Variants in CRYBG3 observed in about 807,000 individuals in gnomAD.
The protein encoded by CRYBG3 is crystallin beta-gamma domain containing 3.
A neutral mutation model predicts 244.2 loss-of-function variants in CRYBG3; 127 were observed. The ratio of observed to expected loss-of-function variants is 0.52; its 90% CI spans 0.45 to 0.60. The LOEUF (loss-of-function observed/expected upper bound fraction) is 0.60, where lower values mean the gene tolerates loss of function less well. Among genes scored for constraint, CRYBG3 ranks in the 20% least tolerant of loss-of-function variants. The pLI is 0.00. For missense variants in CRYBG3, 3,325 were observed against 3,442.5 expected (o/e 0.97, Z 0.85); for synonymous variants, 1,132 against 1,195.8 (o/e 0.95, Z 1.10).
chr3:97,944,266 TTTTA>T lies in CRYBG3; in HGVS notation c.*957_*960del, dbSNP rs2040300553. 6.6e-6 allele frequency: 1 copy of T among 151,974 alleles called. No homozygotes were observed. Among genetic ancestry groups the T allele is most frequent in the African/African-American group, 2.4e-5 (1 of 41,426 alleles). The allele number at this position is 151,974 out of a possible 1,614,324, so 9.4% of individuals were successfully genotyped here. A position where few individuals can be genotyped will look rare whatever the true frequency, so the allele number is the denominator to read the frequency against. ...GTTTTTCACTCCCATTGTAAGTAAC[TTTTA>T]TTTAAGTAAGTAAAATCAGGTAGGA... On this transcript the variant is annotated 3_prime_UTR_variant, in exon 22 of 22. Coordinates refer to ENST00000389622, the MANE Select transcript of CRYBG3 (RefSeq NM_153605.4).
chr3:97,919,714 T>TTA (rs1553708876), intron 17 of CRYBG3, among the ~76,000 whole-genome samples: 18 of 127,070 alleles, frequency 1.4e-4, no homozygotes, highest in Admixed American at 8.0e-4. Flanking sequence ...ATAAAATGAT[T>TTA]AAAAAAAAAA....
chr3:97,858,188 C>A (rs1158005799), intron 2 of CRYBG3, among the ~76,000 whole-genome samples: 1 of 146,114 alleles, frequency 6.8e-6, no homozygotes, highest in Non-Finnish European at 1.5e-5. Context: ...TTTCTTTCGG[C>A]AACTTGAATA....
intron 10 of CRYBG3, among the ~76,000 whole-genome samples, chr3:97,891,986 G>T (rs952971832): frequency 3.9e-5 from 6 of 152,138 alleles, no homozygotes; most frequent in Non-Finnish European, 8.8e-5. Context: ...CACGACCCTT[G>T]CCATTAACTG....
chr3:97,892,342 A>G (rs1308026380), intron 10 of CRYBG3, among the ~76,000 whole-genome samples: 2 of 152,164 alleles, frequency 1.3e-5, no homozygotes, highest in Non-Finnish European at 2.9e-5. Flanking sequence ...GGGTGCAAAC[A>G]AGATGAATTT....
At chr3:97,843,505 A>T (rs548070028) in intron 2 of CRYBG3, among the ~76,000 whole-genome samples, 1 of 152,268 alleles carries the variant, frequency 6.6e-6, no homozygotes, top group Admixed American at 6.5e-5. Flanking sequence ...CACTAACCCA[A>T]CTGTGTGATC....
Position 97,876,234 on chromosome 3 carries a change from C to T in CRYBG3, c.5040C>T (p.Gly1680=). Residue 1680 remains glycine, a synonymous_variant, in exon 4 of 22, where the codon GGC becomes GGT. Transcript: ENST00000389622. The part of the protein sequence containing the change: ...IYQTHAEGDI[G]KTGTIALSEV... ...AAACGCATGCTGAAGGGGATATTGGCAAGACTGGGACGATAGCCTTGTCAG... is the reference window on the plus strand; with the variant it reads ...AAACGCATGCTGAAGGGGATATTGGTAAGACTGGGACGATAGCCTTGTCAG... 8.1e-7 allele frequency: 1 copy of T among 1,231,770 alleles called. No individual in the cohort carries two copies. The highest frequency in any genetic ancestry group is 1.0e-6 in the Non-Finnish European group (1 of 987,882). The allele number at this position is 1,231,770 out of a possible 1,614,324, so 76.3% of individuals were successfully genotyped here.
chr3:97,923,823 C>A (rs2040010672), intron 17 of CRYBG3, among the ~76,000 whole-genome samples: 1 of 151,954 alleles, frequency 6.6e-6, no homozygotes, highest in South Asian at 2.1e-4. Context: ...TTGAGAGATA[C>A]AATCTTTTAT....
chr3:97,912,255 C>A lies in CRYBG3; in HGVS notation c.8093C>A (p.Ser2698Tyr). The A allele has an allele frequency of 6.3e-7, 1 of 1,598,738 alleles. No homozygotes were observed. ...GATTTGACTTCACTCATGCCATGTT[C>A]TTTTAAAGTTCTTCGAGGTTGGTAA... The part of the protein sequence containing the change: ...TSDLTSLMPC[S>Y]FKVLRGCWLL... The change falls in exon 16 of 22, where the codon TCT becomes TAT. Residue 2698 changes from serine to tyrosine, a missense_variant. Coordinates refer to ENST00000389622, the MANE Select transcript of CRYBG3 (RefSeq NM_153605.4).
chr3:97,877,013 A>C lies in CRYBG3; in HGVS notation c.5819A>C (p.Asp1940Ala). Reference sequence around the variant, plus strand: ...TATGAATCCCCTACATTAAGTAAGGATTATGAGGGCTACCCAGCCCCAGCA... The same window carrying C: ...TATGAATCCCCTACATTAAGTAAGGCTTATGAGGGCTACCCAGCCCCAGCA... ...RGYESPTLSK[D>A]YEGYPAPAMP... The change falls in exon 4 of 22, where the codon GAT (aspartate) becomes GCT (alanine). Residue 1940 changes from aspartate (D) to alanine (A), a missense_variant. Transcript: ENST00000389622. 6.4e-7 allele frequency: 1 copy of C among 1,554,002 alleles called. No individual in the cohort carries two copies. Among genetic ancestry groups the C allele is most frequent in the Non-Finnish European group, 8.7e-7 (1 of 1,153,114 alleles).
At chr3:97,863,219 T>A (rs1002863935) in intron 2 of CRYBG3, among the ~76,000 whole-genome samples, 1 of 152,146 alleles carries the variant, frequency 6.6e-6, no homozygotes, top group Non-Finnish European at 1.5e-5. Flanking sequence ...TGACAGAGAC[T>A]GTAGGATGGG....
chr3:97,889,425 G>A (rs756797332), intron 10 of CRYBG3, 35 bp downstream of exon 10: 2 of 1,527,360 alleles, frequency 1.3e-6, no homozygotes, highest in Admixed American at 3.4e-5. Flanking sequence ...GCAGGCTAAA[G>A]AGTCTCAGGA....
intron 2 of CRYBG3, among the ~76,000 whole-genome samples, chr3:97,850,072 A>G (rs999958346): frequency 1.3e-5 from 2 of 152,104 alleles, no homozygotes; most frequent in African/African-American, 2.4e-5. Flanking sequence ...CTCTGAGTAT[A>G]AAGTTTGACA....
intron 7 of CRYBG3, among the ~76,000 whole-genome samples, chr3:97,883,560 G>A (rs72916338): frequency 1.5e-4 from 23 of 152,158 alleles, no homozygotes; most frequent in Non-Finnish European, 2.8e-4. Flanking sequence ...ATATTTGCAC[G>A]TCCACCATTT....
intron 17 of CRYBG3, among the ~76,000 whole-genome samples, chr3:97,918,666 C>T (rs1296926826): frequency 2.6e-5 from 4 of 152,166 alleles, no homozygotes; most frequent in African/African-American, 4.8e-5. Flanking sequence ...AACAAATGTT[C>T]GTTTCATTTT....
At chr3:97,912,357 C>T (rs1575960943) in intron 16 of CRYBG3, 81 bp downstream of exon 16, 1 of 613,398 alleles carries the variant, frequency 1.6e-6, no homozygotes, top group Non-Finnish European at 2.7e-6. Context: ...TTTTTGCATG[C>T]ACAGTGAATC....
At chr3:97,849,943 T>G (rs1253501861) in intron 2 of CRYBG3, among the ~76,000 whole-genome samples, 1 of 152,168 alleles carries the variant, frequency 6.6e-6, no homozygotes, top group African/African-American at 2.4e-5. Flanking sequence ...CCTGGTTGAT[T>G]TGATTTCTGC....
chr3:97,915,424 C>T (rs962158828), intron 16 of CRYBG3, among the ~76,000 whole-genome samples, 186 bp from the exon 17 acceptor site: 6 of 152,084 alleles, frequency 3.9e-5, no homozygotes, highest in African/African-American at 1.2e-4. Context: ...TAATGCCTGG[C>T]GCATCATAAG....
intron 2 of CRYBG3, among the ~76,000 whole-genome samples, chr3:97,861,956 C>T (rs367899107): frequency 2.3e-4 from 35 of 151,888 alleles, no homozygotes; most frequent in African/African-American, 7.7e-4. Context: ...ATTACGAATA[C>T]GCATTTCTCG....
intron 17 of CRYBG3, among the ~76,000 whole-genome samples, chr3:97,918,192 C>T (rs973209390): frequency 2.6e-5 from 4 of 152,162 alleles, no homozygotes; most frequent in African/African-American, 9.7e-5. Context: ...CATGCTATGG[C>T]TTGGTGCTTA....
Sources: gnomAD v4.1 joint callset for allele counts (sites outside exome capture counted in the v4.1 genomes callset) on GRCh38, gnomAD v4.1.1 for gene constraint, MANE v1.5 for transcripts, NCBI Gene and HGNC (gene_info 2026-07-23, HGNC 2026-07-21) for gene names.